AGL: variants seen among roughly 807,000 people sequenced by gnomAD.
The protein encoded by AGL is amylo-alpha-1,6-glucosidase and 4-alpha-glucanotransferase.
A neutral mutation model predicts 199.3 loss-of-function variants in AGL; 128 were observed. That is an observed-to-expected ratio of 0.64 (90% CI 0.56 to 0.74). The LOEUF is 0.74. Ranked by LOEUF, AGL falls within the 30% of genes least tolerant of loss-of-function variation. The pLI is 0.00. For synonymous variants in AGL, 584 were observed against 594.7 expected, an observed-to-expected ratio of 0.98 and a Z score of 0.26; for missense variants, 1,809 against 1,820.8, an observed-to-expected ratio of 0.99 and a Z score of 0.12.
chr1:99,906,000 A>G (rs1428474365), intron 27 of AGL, among the ~76,000 whole-genome samples: 2 of 152,120 alleles, frequency 1.3e-5, no homozygotes, highest in Non-Finnish European at 2.9e-5. Flanking sequence ...TTACCATTTT[A>G]CCATAAAAGT....
intron 4 of AGL, among the ~76,000 whole-genome samples, chr1:99,864,044 AAGT>A (rs932814496): frequency 4.6e-5 from 7 of 152,342 alleles, no homozygotes; most frequent in African/African-American, 1.7e-4. Context: ...GGAACATTAA[AAGT>A]AGTAGAAACA....
At chr1:99,887,787 G>A (rs941727239) in intron 20 of AGL, among the ~76,000 whole-genome samples, 191 bp from the exon 21 acceptor site, 3 of 152,006 alleles carry the variant, frequency 2.0e-5, no homozygotes, top group Non-Finnish European at 4.4e-5. Context: ...GCTTCTAATT[G>A]AATTTTTTTT....
chr1:99,905,515 A>G (rs1442955995), intron 27 of AGL, among the ~76,000 whole-genome samples: 1 of 152,038 alleles, frequency 6.6e-6, no homozygotes, highest in Non-Finnish European at 1.5e-5. Flanking sequence ...TCATGTGCTC[A>G]TTGGCCATCC....
At chr1:99,874,574 A>G in intron 7 of AGL, 113 bp from the exon 8 acceptor site, 1 of 1,050,194 alleles carries the variant, frequency 9.5e-7, no homozygotes, top group East Asian at 2.6e-5. Flanking sequence ...TGTGAAATAA[A>G]TATTTGTTTT....
rs918017834 is a variant in AGL at position 99,892,632 on chromosome 1, A to G, written c.3259+25A>G. ...GGTAAGGAATTATGTACAAGGTTAA[A>G]ATATGTAAATCGATAGTATTCGCGG... On this transcript the variant is annotated intron_variant, in intron 24 of 33. Transcript: ENST00000361915. 6.2e-6 allele frequency: 10 copies of G among 1,606,924 alleles called. No individual in the cohort carries two copies. The African/African-American group carries it at 1.1e-4, about 17-fold the overall frequency.
intron 12 of AGL, among the ~76,000 whole-genome samples, chr1:99,878,558 TTAA>T (rs1298672846): frequency 4.6e-5 from 7 of 152,204 alleles, no homozygotes; most frequent in Non-Finnish European, 1.0e-4. Flanking sequence ...ATCTTTGTAA[TTAA>T]ACTCATAATT....
At chr1:99,894,009 C>A (rs1165345316) in intron 24 of AGL, among the ~76,000 whole-genome samples, 2 of 151,732 alleles carry the variant, frequency 1.3e-5, no homozygotes, top group African/African-American at 2.4e-5. Flanking sequence ...ATAGCAAGAC[C>A]CCATCTTTAC....
chr1:99,877,100 A>G (rs1019230004), intron 11 of AGL, among the ~76,000 whole-genome samples: 8 of 152,148 alleles, frequency 5.3e-5, no homozygotes, highest in African/African-American at 1.9e-4. Flanking sequence ...GCCCATTGAT[A>G]TATTTATTTT....
Position 99,923,708 on chromosome 1 carries a change from C to T in AGL, c.*2057C>T, listed in dbSNP as rs767472276. 1.6e-4 allele frequency: 25 copies of T among 152,258 alleles called. No individual in the cohort carries two copies. Among genetic ancestry groups the T allele is most frequent in the South Asian group, 6.2e-4 (3 of 4,816 alleles). 9.4% of individuals were successfully genotyped at this position (152,258 alleles called of 1,614,324 possible). A position where few individuals can be genotyped will look rare whatever the true frequency, so the allele number is the denominator to read the frequency against. On this transcript the variant is annotated 3_prime_UTR_variant, in exon 34 of 34. Coordinates refer to ENST00000361915, the MANE Select transcript of AGL (RefSeq NM_000642.3). ...ACAGGTGTCATTTGACTAAACGTTT[C>T]GGTAGAATGCTTCATACTTGAGTGA...
chr1:99,861,457 A>G, intron 2 of AGL, 46 bp from the exon 3 acceptor site: 1 of 1,612,240 alleles, frequency 6.2e-7, no homozygotes, highest in Non-Finnish European at 8.5e-7. Flanking sequence ...TCAATGTGGT[A>G]ATTTAAGTCC....
At position 99,898,032 on chromosome 1, in the gene AGL, C is replaced by T. The variant is rs1453210300; in HGVS notation, c.3362+1644C>T. 2.0e-5 allele frequency among the ~76,000 whole-genome samples: 3 copies of T among 151,234 alleles called. No homozygotes were observed. The Admixed American group carries it at 2.0e-4, about 10-fold the overall frequency. ...TCACCTGTTTTGTATGGCCTATGAG[C>T]AAAGAATAGCTTTTACCTTTTTTTT... On this transcript the variant is annotated intron_variant, in intron 25 of 33. Coordinates refer to ENST00000361915, the MANE Select transcript of AGL (RefSeq NM_000642.3).
At chr1:99,908,026 G>A (rs947378979) in intron 27 of AGL, among the ~76,000 whole-genome samples, 1 of 152,030 alleles carries the variant, frequency 6.6e-6, no homozygotes, top group Non-Finnish European at 1.5e-5. Context: ...TTTTGATTAA[G>A]TCCAATTTAT....
rs1487234353 is a variant in AGL at position 99,899,526 on chromosome 1, C to T, written c.3363-1110C>T. Reference sequence around the variant, plus strand: ...TTGTTTTCTTTCTCTCTCTCTCTCTCTCTTTCTCTCTCTCTTTCTCTCTCT... The same window carrying T: ...TTGTTTTCTTTCTCTCTCTCTCTCTTTCTTTCTCTCTCTCTTTCTCTCTCT... On this transcript the variant is annotated intron_variant, in intron 25 of 33. Coordinates refer to ENST00000361915, the MANE Select transcript of AGL (RefSeq NM_000642.3). Among the ~76,000 whole-genome samples the T allele has an allele frequency of 1.4e-4, 19 of 137,934 alleles. 1 individual carries two copies. Among genetic ancestry groups the T allele is most frequent in the South Asian group, 9.8e-4 (4 of 4,074 alleles). The allele number at this position is 137,934 out of a possible 152,430, so 90.5% of individuals were successfully genotyped here. A position where few individuals can be genotyped will look rare whatever the true frequency, so the allele number is the denominator to read the frequency against.
intron 2 of AGL, 111 bp downstream of exon 2, chr1:99,851,235 C>G: frequency 2.0e-6 from 2 of 991,760 alleles, no homozygotes; most frequent in Non-Finnish European, 3.2e-6. Context: ...TTCCAAGGGT[C>G]TAAAACTTGA....
intron 27 of AGL, among the ~76,000 whole-genome samples, chr1:99,908,093 A>G (rs948941033): frequency 4.6e-5 from 7 of 152,144 alleles, no homozygotes; most frequent in South Asian, 4.1e-4. Flanking sequence ...ATCAAATTCA[A>G]TGTCATGAAG....
chr1:99,861,096 G>A (rs1017756027), intron 2 of AGL: 4 of 815,400 alleles, frequency 4.9e-6, no homozygotes, highest in Admixed American at 1.0e-4. Context: ...ACACCATAGA[G>A]AAACTAGCTT....
rs1651873917 is a variant in AGL at position 99,879,972 on chromosome 1, C to T, written c.1661C>T (p.Ala554Val). The T allele has an allele frequency of 6.2e-7, 1 of 1,613,718 alleles. No homozygotes were observed. Among genetic ancestry groups the T allele is most frequent in the Non-Finnish European group, 8.5e-7 (1 of 1,179,802 alleles). The change falls in exon 13 of 34, where the codon GCT (alanine) becomes GTT (valine). Residue 554 changes from alanine to valine, a missense_variant. Coordinates refer to ENST00000361915, the MANE Select transcript of AGL (RefSeq NM_000642.3). ...RNLQPNLYVV[A>V]ELFTGSEDLD... is the part of the protein sequence containing the mutation. ...TTGCAACCCAATTTATATGTAGTAG[C>T]TGAACTGTTCACAGGAAGTGAAGAT...
Position 99,875,274 on chromosome 1 carries a change from A to G in AGL, c.1185+18A>G, listed in dbSNP as rs766322612. On this transcript the variant is annotated intron_variant, in intron 9 of 33. Transcript: ENST00000361915. Reference sequence around the variant, plus strand: ...AGGAACAGGTTTTACTTATTTTTGAACTGCTGCTTTTCCTTGCATCTTACT... The same window carrying G: ...AGGAACAGGTTTTACTTATTTTTGAGCTGCTGCTTTTCCTTGCATCTTACT... The G allele has an allele frequency of 5.0e-6, 8 of 1,612,358 alleles. No homozygotes were observed. Among genetic ancestry groups the G allele is most frequent in the African/African-American group, 1.3e-5 (1 of 74,886 alleles).
intron 33 of AGL, among the ~76,000 whole-genome samples, chr1:99,916,938 C>G (rs936521988): frequency 2.6e-5 from 4 of 151,980 alleles, no homozygotes; most frequent in Non-Finnish European, 2.9e-5. Flanking sequence ...AAGTTGAGGT[C>G]TTGATATTGT....
Sources: allele counts gnomAD v4.1 joint callset (sites outside exome capture counted in the v4.1 genomes callset), GRCh38; gene constraint gnomAD v4.1.1; transcripts MANE v1.5; gene names NCBI Gene and HGNC (gene_info 2026-07-23, HGNC 2026-07-21).